The following GLIS3 variants were observed in gnomAD, a reference collection of about 807,000 sequenced individuals.
GLIS3 encodes zinc finger protein GLIS3.
GLIS3 carries 53 observed loss-of-function variants against 78.6 expected under a neutral mutation model. The observed-to-expected ratio is 0.67, with a 90% CI of 0.54 to 0.85. The LOEUF is 0.85. GLIS3 is among the 40% of genes least tolerant of loss of function. The pLI is 0.00. For missense variants in GLIS3, 1,703 were observed against 1,231.1 expected (o/e 1.38, Z -5.74); for synonymous variants, 684 against 509.9 (o/e 1.34, Z -4.60).
intron 4 of GLIS3, among the ~76,000 whole-genome samples, chr9:3,966,313 G>T (rs574174937): frequency 6.6e-6 from 1 of 151,994 alleles, no homozygotes; most frequent in East Asian, 1.9e-4. Context: ...GTAATCAGCA[G>T]GAGCAAAAAA....
At chr9:4,447,751 A>G in the GLIS3 span, among the ~76,000 whole-genome samples, 2 of 152,146 alleles carry the variant, frequency 1.3e-5, no homozygotes, top group African/African-American at 4.8e-5. Flanking sequence ...AAGGACTCAG[A>G]GGACTTCATC....
At chr9:4,324,019 G>T (rs1275061909) in intron 2 of GLIS3, among the ~76,000 whole-genome samples, 1 of 151,772 alleles carries the variant, frequency 6.6e-6, no homozygotes, top group African/African-American at 2.4e-5. Context: ...GGTCTTTTTG[G>T]GACCCTTCAC....
intron 2 of GLIS3, among the ~76,000 whole-genome samples, chr9:4,206,309 G>T (rs1819875175): frequency 6.6e-6 from 1 of 152,212 alleles, no homozygotes; most frequent in Non-Finnish European, 1.5e-5. Flanking sequence ...AGGCTGTAAT[G>T]AGGGTGTTCT....
intron 4 of GLIS3, among the ~76,000 whole-genome samples, chr9:4,011,023 T>C (rs146902504): frequency 1.7e-4 from 26 of 152,292 alleles, no homozygotes; most frequent in East Asian, 5.8e-4. Context: ...TCAAGATGGA[T>C]AGGAGCTCAG....
chr9:3,841,543 C>G (rs760492880), intron 9 of GLIS3, among the ~76,000 whole-genome samples: 55 of 152,194 alleles, frequency 3.6e-4, no homozygotes, highest in Admixed American at 6.5e-4. Flanking sequence ...GCCCAGCTAC[C>G]CATTAGTAGC....
chr9:4,169,924 C>T (rs1816224629), intron 2 of GLIS3, among the ~76,000 whole-genome samples: 2 of 152,050 alleles, frequency 1.3e-5, no homozygotes, highest in African/African-American at 4.8e-5. Context: ...TAAATATTGA[C>T]CAAATGTCGC....
At chr9:3,929,110 G>A (rs569116060) in intron 6 of GLIS3, among the ~76,000 whole-genome samples, 5 of 152,226 alleles carry the variant, frequency 3.3e-5, no homozygotes, top group Middle Eastern at 3.4e-3. Flanking sequence ...CTCTATAGGC[G>A]AACTTCTTCT....
chr9:4,179,967 T>C (rs1021706842), intron 2 of GLIS3, among the ~76,000 whole-genome samples: 2 of 152,114 alleles, frequency 1.3e-5, no homozygotes, highest in African/African-American at 2.4e-5. Context: ...AAAAGTAGGC[T>C]GGAAATTCAA....
the GLIS3 span, among the ~76,000 whole-genome samples, chr9:4,405,418 C>G: frequency 7.2e-3 from 1,092 of 151,418 alleles, 6 homozygotes; most frequent in Middle Eastern, 0.017. Flanking sequence ...GAAAGAAATT[C>G]AAATGATCAT....
intron 9 of GLIS3, among the ~76,000 whole-genome samples, chr9:3,853,597 A>AGAGAGAAG (rs1819577251): frequency 6.6e-6 from 1 of 152,210 alleles, no homozygotes; most frequent in Admixed American, 6.5e-5. Flanking sequence ...TAACAACTGA[A>AGAGAGAAG]GAGAGAAGAT....
chr9:4,299,192 C>T (rs1331571188), intron 1 of GLIS3, among the ~76,000 whole-genome samples: 2 of 152,190 alleles, frequency 1.3e-5, no homozygotes, highest in Admixed American at 6.5e-5. Flanking sequence ...ATGGTTTGAA[C>T]CCTAATTGTT....
chr9:4,385,721 G>A, the GLIS3 span, among the ~76,000 whole-genome samples: 14 of 49,374 alleles, frequency 2.8e-4, no homozygotes, highest in African/African-American at 5.7e-4. Flanking sequence ...GAGAGAGAGA[G>A]AGAAAGAAAG....
chr9:4,070,514 G>C (rs1340385109), intron 4 of GLIS3, among the ~76,000 whole-genome samples: 1 of 151,686 alleles, frequency 6.6e-6, no homozygotes, highest in Non-Finnish European at 1.5e-5. Flanking sequence ...ATTTGTGTGT[G>C]TGTGCGTGTG....
chr9:4,055,586 G>T (rs893844345), intron 4 of GLIS3, among the ~76,000 whole-genome samples: 1 of 152,334 alleles, frequency 6.6e-6, no homozygotes, highest in Admixed American at 6.5e-5. Flanking sequence ...CCTTCCTACA[G>T]AAGGTTCAAC....
intron 6 of GLIS3, among the ~76,000 whole-genome samples, chr9:3,920,570 G>A (rs1367762542): frequency 1.3e-5 from 2 of 150,190 alleles, no homozygotes; most frequent in African/African-American, 4.9e-5. Flanking sequence ...AGAAATTCAG[G>A]AACTTACTCT....
At chr9:4,414,294 T>C in the GLIS3 span, among the ~76,000 whole-genome samples, 1 of 152,180 alleles carries the variant, frequency 6.6e-6, no homozygotes, top group Non-Finnish European at 1.5e-5. Flanking sequence ...ATGGAAGACA[T>C]GGCAAAACAT....
chr9:4,155,393 T>G (rs1018386316), intron 2 of GLIS3, among the ~76,000 whole-genome samples: 2 of 152,256 alleles, frequency 1.3e-5, no homozygotes, highest in Non-Finnish European at 2.9e-5. Flanking sequence ...CAAGTAACTT[T>G]CCCAAGCTCG....
At chr9:4,356,352 G>A in the GLIS3 span, among the ~76,000 whole-genome samples, 1 of 152,192 alleles carries the variant, frequency 6.6e-6, no homozygotes, top group African/African-American at 2.4e-5. Context: ...ACACTTTAAA[G>A]AGCATGATTG....
At chr9:4,296,810 G>A (rs1004360063) in intron 1 of GLIS3, among the ~76,000 whole-genome samples, 1 of 150,254 alleles carries the variant, frequency 6.7e-6, no homozygotes, top group Non-Finnish European at 1.5e-5. Context: ...GGTAGCCTCA[G>A]AGCTAGTCTG....
Sources: gnomAD v4.1 joint callset for allele counts (sites outside exome capture counted in the v4.1 genomes callset) on GRCh38, gnomAD v4.1.1 for gene constraint, MANE v1.5 for transcripts, NCBI Gene and HGNC (gene_info 2026-07-23, HGNC 2026-07-21) for gene names.